Variants in CLBA1 observed in about 807,000 individuals in gnomAD.
CLBA1 encodes clathrin binding box of aftiphilin containing 1.
A neutral mutation model predicts 28.8 loss-of-function variants in CLBA1; 30 were observed. That is an observed-to-expected ratio of 1.04 (90% CI 0.78 to 1.41). CLBA1 has a LOEUF of 1.41. Ranked by LOEUF, CLBA1 falls within the 40% of genes most tolerant of loss-of-function variation. CLBA1 has a pLI of 0.00. For missense variants in CLBA1, 451 were observed against 412.3 expected (o/e 1.09, Z -0.81); for synonymous variants, 160 against 152.8 (o/e 1.05, Z -0.35).
chr14:104,994,882 C>G lies in CLBA1; in HGVS notation c.*123C>G. 6.9e-7 allele frequency: 1 copy of G among 1,455,170 alleles called. No homozygotes were observed. The highest frequency in any genetic ancestry group is 9.0e-7 in the Non-Finnish European group (1 of 1,109,242). The allele number at this position is 1,455,170 out of a possible 1,614,324, so 90.1% of individuals were successfully genotyped here. A position where few individuals can be genotyped will look rare whatever the true frequency, so the allele number is the denominator to read the frequency against. ...CCCCAGGCCCATTCCTGGGATCTCT[C>G]CAACAGGACCTGTCCTGTGTTCTGG... On this transcript the variant is annotated 3_prime_UTR_variant, in exon 5 of 5. Coordinates refer to ENST00000547315, the MANE Select transcript of CLBA1 (RefSeq NM_174891.4).
downstream of CLBA1, chr14:104,999,198 C>G: frequency 6.1e-6 from 6 of 985,056 alleles, no homozygotes; most frequent in Non-Finnish European, 7.2e-6. Flanking sequence ...ATGTGTAAAT[C>G]TGTCCTGGCC....
chr14:104,991,391 G>GTTTA (rs1900014471), intron 2 of CLBA1, 100 bp from the exon 3 acceptor site: 1 of 1,466,514 alleles, frequency 6.8e-7, no homozygotes, highest in East Asian at 2.4e-5. Flanking sequence ...TCGGCTTGCG[G>GTTTA]GTAAAGGCCA....
chr14:104,989,111 C>T, intron 2 of CLBA1, 23 bp downstream of exon 2: 2 of 1,595,680 alleles, frequency 1.3e-6, no homozygotes, highest in Non-Finnish European at 1.7e-6. Flanking sequence ...AGAAATATTT[C>T]TTACAGCAAC....
chr14:104,985,795 G>T lies in CLBA1; in HGVS notation c.-637G>T. 3.6e-6 allele frequency: 1 copy of T among 277,966 alleles called. No homozygotes were observed. The highest frequency in any genetic ancestry group is 7.6e-6 in the Non-Finnish European group (1 of 131,238). The allele number at this position is 277,966 out of a possible 1,614,324, so 17.2% of individuals were successfully genotyped here. ...CTGGCGCACGCCGTTGCCAGGCAAC[G>T]GGGCGGCGCAGGCAGGAGGGAACGG... On this transcript the variant is annotated 5_prime_UTR_variant, in exon 1 of 5. Transcript: ENST00000547315.
downstream of CLBA1, among the ~76,000 whole-genome samples, chr14:104,997,938 G>A (rs1418782699): frequency 6.6e-6 from 1 of 152,138 alleles, no homozygotes; most frequent in Non-Finnish European, 1.5e-5. Context: ...GAACCTGGGA[G>A]GGGAAGGTTG....
chr14:104,994,838 T>G lies in CLBA1; in HGVS notation c.*79T>G. On this transcript the variant is annotated 3_prime_UTR_variant, in exon 5 of 5. Transcript: ENST00000547315. The stretch of plus-strand genomic sequence containing the variant: ...GGTTGATGTGGAAACCAGAGCTGTC[T>G]GTGGAGCTGTTTTCCAGACCCCAGG... 1 of 1,523,378 alleles carries G rather than the reference T, an allele frequency of 6.6e-7. No homozygotes were observed. Among genetic ancestry groups the G allele is most frequent in the South Asian group, 1.3e-5 (1 of 77,460 alleles). 94.4% of individuals were successfully genotyped at this position (1,523,378 alleles called of 1,614,324 possible).
downstream of CLBA1, among the ~76,000 whole-genome samples, chr14:104,997,865 C>T (rs907864098): frequency 2.6e-5 from 4 of 151,830 alleles, no homozygotes; most frequent in African/African-American, 9.7e-5. Context: ...AAAAATTAGC[C>T]AGGCGTGGTG....
In CLBA1 at chr14:104,986,387, C is replaced by T. The variant is rs1411229637; in HGVS notation, c.-45C>T. ...GCCAGCACCCCGGCGTGCATGTCTC[C>T]TGAGCAGCTGCCCATCGGGCCTCTG... On this transcript the variant is annotated 5_prime_UTR_variant, in exon 1 of 5. Coordinates refer to ENST00000547315, the MANE Select transcript of CLBA1 (RefSeq NM_174891.4). 6.3e-7 allele frequency: 1 copy of T among 1,590,514 alleles called. No homozygotes were observed. The highest frequency in any genetic ancestry group is 1.1e-5 in the South Asian group (1 of 88,870).
rs549158302 is a variant in CLBA1 at position 104,994,998 on chromosome 14, G to A, written c.*239G>A. 1.1e-5 allele frequency: 13 copies of A among 1,180,992 alleles called. No individual in the cohort carries two copies. Among genetic ancestry groups the A allele is most frequent in the South Asian group, 8.7e-5 (3 of 34,600 alleles). The allele number at this position is 1,180,992 out of a possible 1,614,324, so 73.2% of individuals were successfully genotyped here. A position where few individuals can be genotyped will look rare whatever the true frequency, so the allele number is the denominator to read the frequency against. Reference sequence around the variant, plus strand: ...TTTCTGGATGCCATGACAGGCTGTCGGGGTCCAGGTGGCACTCATGGGCCC... The same window carrying A: ...TTTCTGGATGCCATGACAGGCTGTCAGGGTCCAGGTGGCACTCATGGGCCC... On this transcript the variant is annotated 3_prime_UTR_variant, in exon 5 of 5. Coordinates refer to ENST00000547315, the MANE Select transcript of CLBA1 (RefSeq NM_174891.4).
downstream of CLBA1, among the ~76,000 whole-genome samples, chr14:104,998,586 A>G (rs375836899): frequency 2.2e-4 from 33 of 152,036 alleles, no homozygotes; most frequent in South Asian, 3.3e-3. Context: ...TTGTTTTTCA[A>G]TAAAGACTTA....
chr14:104,996,318 C>A (rs887329931), downstream of CLBA1, among the ~76,000 whole-genome samples: 1 of 152,302 alleles, frequency 6.6e-6, no homozygotes, highest in African/African-American at 2.4e-5. Context: ...AGGGACCAGG[C>A]GACGTACATG....
intron 3 of CLBA1, among the ~76,000 whole-genome samples, chr14:104,992,724 G>C (rs1900068847): frequency 6.6e-6 from 1 of 152,242 alleles, no homozygotes; most frequent in Non-Finnish European, 1.5e-5. Flanking sequence ...TTCCCATTGA[G>C]CAGTTGAGGG....
intron 1 of CLBA1, among the ~76,000 whole-genome samples, chr14:104,987,996 A>G (rs965228158): frequency 6.6e-6 from 1 of 152,114 alleles, no homozygotes; most frequent in African/African-American, 2.4e-5. Flanking sequence ...TAATAGAGTA[A>G]GGTCTGCTGT....
downstream of CLBA1, chr14:104,999,463 G>T (rs1900226907): frequency 6.4e-6 from 1 of 155,328 alleles, no homozygotes; most frequent in African/African-American, 2.4e-5. Context: ...CAAGGACCCA[G>T]CTGCTGGAGC....
chr14:104,994,897 C>G lies in CLBA1; in HGVS notation c.*138C>G, dbSNP rs991364612. The stretch of plus-strand genomic sequence containing the variant: ...TGGGATCTCTCCAACAGGACCTGTC[C>G]TGTGTTCTGGGCTTGTCTCGGGTCT... On this transcript the variant is annotated 3_prime_UTR_variant, in exon 5 of 5. Coordinates refer to ENST00000547315, the MANE Select transcript of CLBA1 (RefSeq NM_174891.4). 2 of 1,429,220 alleles carry G rather than the reference C, an allele frequency of 1.4e-6. No individual in the cohort carries two copies. Among genetic ancestry groups the G allele is most frequent in the Non-Finnish European group, 1.8e-6 (2 of 1,096,398 alleles). 88.5% of individuals were successfully genotyped at this position (1,429,220 alleles called of 1,614,324 possible).
intron 3 of CLBA1, among the ~76,000 whole-genome samples, chr14:104,992,486 G>A (rs2140898344): frequency 6.6e-6 from 1 of 152,374 alleles, no homozygotes; most frequent in South Asian, 2.1e-4. Context: ...GAAAATGGTT[G>A]CCCTGTTGGC....
chr14:104,995,601 C>G (rs1900142847), downstream of CLBA1: 1 of 713,612 alleles, frequency 1.4e-6, no homozygotes, highest in Non-Finnish European at 1.7e-6. Context: ...AAGCAAGCAG[C>G]CACCCTGGCT....
At chr14:104,993,778 G>A in intron 4 of CLBA1, 1 of 985,436 alleles carries the variant, frequency 1.0e-6, no homozygotes, top group Non-Finnish European at 1.2e-6. Context: ...GAACAGTCGG[G>A]GCTCATTGTG....
downstream of CLBA1, among the ~76,000 whole-genome samples, chr14:105,000,420 C>T (rs956767287): frequency 2.6e-4 from 39 of 151,576 alleles, no homozygotes; most frequent in African/African-American, 8.7e-4. Flanking sequence ...TACAGGCGCC[C>T]GCCACCATGC....
Sources: gnomAD v4.1 joint callset for allele counts (sites outside exome capture counted in the v4.1 genomes callset) on GRCh38, gnomAD v4.1.1 for gene constraint, MANE v1.5 for transcripts, NCBI Gene and HGNC (gene_info 2026-07-23, HGNC 2026-07-21) for gene names.